EFL1: variants seen among roughly 807,000 people sequenced by gnomAD.
EFL1 encodes elongation factor-like GTPase 1.
In EFL1, 76 loss-of-function variants were observed where a neutral mutation model predicts 126.7. That is an observed-to-expected ratio of 0.60 (90% CI 0.50 to 0.73). The LOEUF is 0.73. Among genes scored for constraint, EFL1 ranks in the 30% least tolerant of loss-of-function variants. The pLI is 0.00. For synonymous variants in EFL1, 410 were observed against 448.4 expected (o/e 0.91, Z 1.08); for missense variants, 1,128 against 1,343.2 (o/e 0.84, Z 2.50).
chr15:82,203,949 A>G (rs1250126941), intron 15 of EFL1, among the ~76,000 whole-genome samples: 4 of 152,194 alleles, frequency 2.6e-5, no homozygotes, highest in Admixed American at 2.6e-4. Context: ...TCTAAGATAC[A>G]CACCTAGAAG....
intron 15 of EFL1, among the ~76,000 whole-genome samples, chr15:82,177,858 C>G (rs2074210913): frequency 6.6e-6 from 1 of 152,130 alleles, no homozygotes; most frequent in African/African-American, 2.4e-5. Context: ...TTCTTTGGCT[C>G]TGAGAAAACC....
intron 3 of EFL1, among the ~76,000 whole-genome samples, chr15:82,256,736 A>T (rs1369685215): frequency 6.6e-6 from 1 of 152,200 alleles, no homozygotes; most frequent in Non-Finnish European, 1.5e-5. Context: ...TATCTGTTGA[A>T]ATGATCATGA....
At chr15:82,166,703 C>T (rs151291433) in intron 15 of EFL1, among the ~76,000 whole-genome samples, 3 of 152,294 alleles carry the variant, frequency 2.0e-5, no homozygotes, top group African/African-American at 7.2e-5. Context: ...GGACATTATA[C>T]CCACAATCCC....
At chr15:82,194,158 T>A (rs557294614) in intron 15 of EFL1, among the ~76,000 whole-genome samples, 4 of 152,272 alleles carry the variant, frequency 2.6e-5, no homozygotes, top group Admixed American at 6.5e-5. Flanking sequence ...AGTAGTGCCA[T>A]TGGGCGGACT....
chr15:82,206,671 A>G (rs1428433091), intron 15 of EFL1, among the ~76,000 whole-genome samples: 10 of 152,182 alleles, frequency 6.6e-5, no homozygotes, highest in Admixed American at 2.0e-4. Context: ...AATAAACTGG[A>G]TAGTCAATCT....
chr15:82,225,317 A>C lies in EFL1; in HGVS notation c.1193-53T>G, dbSNP rs1158090824. On this transcript the variant is annotated intron_variant, in intron 11 of 19. Coordinates refer to ENST00000268206, the MANE Select transcript of EFL1 (RefSeq NM_024580.6). ...CTATTTTTCCCATTATTAAAAAAAA[A>C]AAACAGATTTTTCTGGAAAACAATT... The C allele has an allele frequency of 2.9e-6, 4 of 1,387,324 alleles. No homozygotes were observed. In the African/African-American group the frequency reaches 5.9e-5, roughly 20 times the overall value. 85.9% of individuals were successfully genotyped at this position (1,387,324 alleles called of 1,614,324 possible).
At chr15:82,214,911 G>C in intron 14 of EFL1, 56 bp from the exon 15 acceptor site, 1 of 1,552,292 alleles carries the variant, frequency 6.4e-7, no homozygotes, top group Non-Finnish European at 8.7e-7. Context: ...AGCATTAATT[G>C]GTATTTGTAA....
At chr15:82,252,551 G>C in intron 4 of EFL1, 140 bp downstream of exon 4, 1 of 697,692 alleles carries the variant, frequency 1.4e-6, no homozygotes, top group Non-Finnish European at 2.5e-6. Flanking sequence ...GCCTGACTCT[G>C]ACAACAGATC....
intron 14 of EFL1, 144 bp downstream of exon 14, chr15:82,219,503 GCAACA>G: frequency 2.3e-6 from 2 of 872,704 alleles, no homozygotes; most frequent in East Asian, 5.6e-5. Flanking sequence ...TGTTATCAAA[GCAACA>G]CAAAAGGATA....
In EFL1 at chr15:82,138,662, C is replaced by T; in HGVS notation, c.3170G>A (p.Trp1057Ter). The change falls in exon 19 of 20, where the codon TGG (tryptophan) becomes TAG (stop). Residue 1057 changes from tryptophan (W) to a stop codon, truncating the protein, a stop_gained. Coordinates refer to ENST00000268206, the MANE Select transcript of EFL1 (RefSeq NM_024580.6). LOFTEE classifies it high-confidence loss of function. ...LASPQLVFSH[W>*]EIIPSDPFWV... Reference sequence around the variant, plus strand: ...AATGGGAACTTGGATTTTTACCTCCCAATGGCTGAATACTAGTTGTGGGCT... The same window carrying T: ...AATGGGAACTTGGATTTTTACCTCCTAATGGCTGAATACTAGTTGTGGGCT... 6.2e-7 allele frequency: 1 copy of T among 1,613,298 alleles called. No individual in the cohort carries two copies. Among genetic ancestry groups the T allele is most frequent in the Non-Finnish European group, 8.5e-7 (1 of 1,179,600 alleles).
intron 15 of EFL1, among the ~76,000 whole-genome samples, chr15:82,199,273 A>G (rs935585977): frequency 1.3e-5 from 2 of 152,212 alleles, no homozygotes; most frequent in South Asian, 2.1e-4. Flanking sequence ...ATTAGAATTA[A>G]CTTATGACAC....
At chr15:82,174,024 C>T (rs113582958) in intron 15 of EFL1, among the ~76,000 whole-genome samples, 2,005 of 152,134 alleles carry the variant, frequency 0.013, 41 homozygotes, top group African/African-American at 0.047. Flanking sequence ...CCTGCCTCTA[C>T]TAAAAATACA....
intron 11 of EFL1, 92 bp downstream of exon 11, chr15:82,227,358 A>C: frequency 6.3e-7 from 1 of 1,585,692 alleles, no homozygotes; most frequent in Non-Finnish European, 8.6e-7. Flanking sequence ...TTGGCCATTT[A>C]GCAAACTAGC....
At chr15:82,169,568 T>C (rs1358803303) in intron 15 of EFL1, among the ~76,000 whole-genome samples, 2 of 152,232 alleles carry the variant, frequency 1.3e-5, no homozygotes, top group African/African-American at 4.8e-5. Flanking sequence ...ATTCTTCTTT[T>C]AGGTTTATAA....
At chr15:82,163,733 G>T in intron 16 of EFL1, 120 bp downstream of exon 16, 1 of 1,220,816 alleles carries the variant, frequency 8.2e-7, no homozygotes, top group Non-Finnish European at 1.1e-6. Context: ...TTCTACTATA[G>T]ACCTCAATGA....
At chr15:82,261,543 C>A in intron 2 of EFL1, 145 bp downstream of exon 2, 1 of 728,422 alleles carries the variant, frequency 1.4e-6, no homozygotes, top group Non-Finnish European at 2.2e-6. Context: ...GCAGGCTTCC[C>A]TAACATCACA....
chr15:82,254,612 G>A (rs1379532155), intron 3 of EFL1, among the ~76,000 whole-genome samples: 1 of 152,002 alleles, frequency 6.6e-6, no homozygotes, highest in Non-Finnish European at 1.5e-5. Context: ...CATTTAGAGT[G>A]GCAAGTTTTA....
In EFL1 at chr15:82,191,301, G is replaced by A. The variant is rs145410633; in HGVS notation, c.1750+23416C>T. ...GCGTAAAGTTTTCTTTTATAAAAAA[G>A]AAAGTTTAAAGTTTCATCACTCAAA... On this transcript the variant is annotated intron_variant, in intron 15 of 19. Transcript: ENST00000268206. Among the ~76,000 whole-genome samples the A allele has an allele frequency of 3.6e-4, 55 of 152,220 alleles. No individual in the cohort carries two copies. The East Asian group carries it at 0.01, about 29-fold the overall frequency.
intron 18 of EFL1, among the ~76,000 whole-genome samples, chr15:82,139,668 T>C (rs978937105): frequency 6.6e-6 from 1 of 152,248 alleles, no homozygotes; most frequent in Non-Finnish European, 1.5e-5. Context: ...CATGAAGGAC[T>C]TGCTGTAACC....
Sources: gnomAD v4.1 joint callset for allele counts (sites outside exome capture counted in the v4.1 genomes callset) on GRCh38, gnomAD v4.1.1 for gene constraint, MANE v1.5 for transcripts, NCBI Gene and HGNC (gene_info 2026-07-23, HGNC 2026-07-21) for gene names.